TRHDE: variants seen among roughly 807,000 people sequenced by gnomAD.
The protein encoded by TRHDE is thyrotropin releasing hormone degrading enzyme, also known as thyrotropin-releasing hormone-degrading ectoenzyme.
Under a neutral mutation model 125.7 loss-of-function variants are expected in TRHDE, and 72 were observed. That is an observed-to-expected ratio of 0.57 (90% CI 0.47 to 0.70). The LOEUF (loss-of-function observed/expected upper bound fraction) is 0.70. Ranked by LOEUF, TRHDE falls within the 30% of genes least tolerant of loss-of-function variation. The probability of loss-of-function intolerance (pLI) is 0.00; values close to 1 mark genes in which losing one functional copy is unlikely to be tolerated. For missense variants in TRHDE, 1,110 were observed against 1,327.1 expected (o/e 0.84, Z 2.54); for synonymous variants, 509 against 509.1 (o/e 1.00, Z 0.00).
chr12:72,359,711 G>A (rs1870981941), intron 2 of TRHDE, among the ~76,000 whole-genome samples: 1 of 151,690 alleles, frequency 6.6e-6, no homozygotes. Flanking sequence ...TTTTGAAGGT[G>A]TCAAGTTGAC....
chr12:72,449,515 C>G (rs1216604418), intron 3 of TRHDE, among the ~76,000 whole-genome samples: 2 of 151,838 alleles, frequency 1.3e-5, no homozygotes, highest in Non-Finnish European at 2.9e-5. Context: ...GACTTTAGTT[C>G]AGACTGCATT....
intron 12 of TRHDE, among the ~76,000 whole-genome samples, chr12:72,599,351 A>T (rs1872112315): frequency 6.6e-6 from 1 of 152,114 alleles, no homozygotes; most frequent in East Asian, 1.9e-4. Context: ...TCAGTGTAAA[A>T]GTGTTCCCTT....
chr12:72,252,854 G>A (rs1302644632), intron 2 of TRHDE, among the ~76,000 whole-genome samples: 2 of 151,692 alleles, frequency 1.3e-5, no homozygotes, highest in Non-Finnish European at 2.9e-5. Flanking sequence ...ACATTTTTTT[G>A]CCTCATTAAG....
chr12:72,335,293 A>G (rs1180041161), intron 2 of TRHDE, among the ~76,000 whole-genome samples: 7 of 152,212 alleles, frequency 4.6e-5, no homozygotes, highest in Non-Finnish European at 8.8e-5. Context: ...TATTACTGCA[A>G]AGGCTTTATA....
At chr12:72,470,273 G>A (rs1013889297) in intron 4 of TRHDE, among the ~76,000 whole-genome samples, 2 of 152,142 alleles carry the variant, frequency 1.3e-5, no homozygotes, top group African/African-American at 4.8e-5. Flanking sequence ...TTATTGCATC[G>A]CTGCAAGATG....
chr12:72,293,239 T>C (rs1592524451), intron 2 of TRHDE, among the ~76,000 whole-genome samples: 1 of 152,140 alleles, frequency 6.6e-6, no homozygotes, highest in Non-Finnish European at 1.5e-5. Context: ...TTGTAGATTC[T>C]GGATATTAGT....
chr12:72,493,341 C>T (rs1247149118), intron 5 of TRHDE, among the ~76,000 whole-genome samples: 1 of 151,864 alleles, frequency 6.6e-6, no homozygotes, highest in African/African-American at 2.4e-5. Context: ...ATATTTATAT[C>T]TATATTTAAT....
intron 1 of TRHDE, among the ~76,000 whole-genome samples, chr12:72,089,204 T>C (rs1376044565): frequency 6.6e-5 from 10 of 152,280 alleles, no homozygotes; most frequent in Non-Finnish European, 1.2e-4. Context: ...CTCACCACTT[T>C]TGTTGCTGCC....
At chr12:72,172,939 T>C (rs1302454506) in intron 2 of TRHDE, among the ~76,000 whole-genome samples, 3 of 152,200 alleles carry the variant, frequency 2.0e-5, no homozygotes, top group African/African-American at 4.8e-5. Flanking sequence ...CCCCAAAGGC[T>C]CTGCTGCCCT....
intron 2 of TRHDE, among the ~76,000 whole-genome samples, chr12:72,200,050 A>G (rs186249193): frequency 8.5e-5 from 13 of 152,318 alleles, no homozygotes; most frequent in African/African-American, 3.1e-4. Flanking sequence ...GTAGGGTACA[A>G]CTGAGTAGTT....
At chr12:72,557,185 T>C (rs781560291) in intron 7 of TRHDE, among the ~76,000 whole-genome samples, 11 of 152,132 alleles carry the variant, frequency 7.2e-5, no homozygotes, top group Admixed American at 3.9e-4. Context: ...GCTGCAGAAT[T>C]TGAGGGGAAG....
chr12:72,530,856 T>A (rs1008648582), intron 6 of TRHDE, among the ~76,000 whole-genome samples: 3 of 152,146 alleles, frequency 2.0e-5, no homozygotes, highest in Non-Finnish European at 4.4e-5. Context: ...TATTTGATAT[T>A]ATTGTTGTTT....
rs1874988630 is a variant in TRHDE, at chr12:72,663,209, T to C, written c.*14T>C. ...CTAAGACACTAATATATGTATCTTA[T>C]AAACAAACAATTCAACTCAGAAGTT... On this transcript the variant is annotated 3_prime_UTR_variant, in exon 19 of 19. Transcript: ENST00000261180. 2 of 1,571,724 alleles carry C rather than the reference T, an allele frequency of 1.3e-6. No homozygotes were observed. Among genetic ancestry groups the C allele is most frequent in the Middle Eastern group, 1.8e-4 (1 of 5,672 alleles).
At chr12:72,213,452 G>A (rs952294175) in intron 2 of TRHDE, among the ~76,000 whole-genome samples, 15 of 152,110 alleles carry the variant, frequency 9.9e-5, no homozygotes, top group African/African-American at 1.9e-4. Context: ...AAAGTGTGTC[G>A]CTATAATACT....
chr12:72,211,648 A>C (rs1362709027), intron 2 of TRHDE, among the ~76,000 whole-genome samples: 2 of 152,156 alleles, frequency 1.3e-5, no homozygotes, highest in African/African-American at 4.8e-5. Flanking sequence ...CGGGGACGCA[A>C]AGCTATATAG....
At chr12:72,551,632 T>G (rs1869677623) in intron 7 of TRHDE, among the ~76,000 whole-genome samples, 1 of 152,080 alleles carries the variant, frequency 6.6e-6, no homozygotes. Flanking sequence ...ATGCATCTAG[T>G]CTATGTCAGA....
intron 12 of TRHDE, among the ~76,000 whole-genome samples, chr12:72,617,367 G>A (rs1395743698): frequency 1.3e-5 from 2 of 152,148 alleles, no homozygotes; most frequent in Admixed American, 6.6e-5. Context: ...GACATTATAA[G>A]CACAGGTATA....
intron 12 of TRHDE, among the ~76,000 whole-genome samples, chr12:72,614,915 G>C (rs930931658): frequency 6.6e-6 from 1 of 152,048 alleles, no homozygotes; most frequent in African/African-American, 2.4e-5. Flanking sequence ...ACATAGTCTG[G>C]TTTTAATTTC....
At position 72,665,351 on chromosome 12, in the gene TRHDE, C is replaced by T. The variant is rs1875076559; in HGVS notation, c.*2156C>T. ...AATCCTTTTTCAGTATTTTAGTGGC[C>T]TTGAACAACTGGTTTATCTACAATC... On this transcript the variant is annotated 3_prime_UTR_variant, in exon 19 of 19. Transcript: ENST00000261180. 6.6e-6 allele frequency: 1 copy of T among 152,322 alleles called. No individual in the cohort carries two copies. The highest frequency in any genetic ancestry group is 2.1e-4 in the South Asian group (1 of 4,826). The allele number at this position is 152,322 out of a possible 1,614,324, so 9.4% of individuals were successfully genotyped here.
Sources: allele counts gnomAD v4.1 joint callset (sites outside exome capture counted in the v4.1 genomes callset), GRCh38; gene constraint gnomAD v4.1.1; transcripts MANE v1.5; gene names NCBI Gene and HGNC (gene_info 2026-07-23, HGNC 2026-07-21).